MTM1: variants seen among roughly 807,000 people sequenced by gnomAD.
The protein encoded by MTM1 is myotubularin 1.
In MTM1, 9 loss-of-function variants were observed where a neutral mutation model predicts 52.1. That is an observed-to-expected ratio of 0.17 (90% CI 0.10 to 0.30). The LOEUF is 0.30. Ranked by LOEUF, MTM1 falls within the 10% of genes least tolerant of loss-of-function variation. The probability of loss-of-function intolerance (pLI) is 1.00; values close to 1 mark genes in which losing one functional copy is unlikely to be tolerated. For synonymous variants in MTM1, 136 were observed against 163.8 expected (o/e 0.83, Z 1.29); for missense variants, 277 against 470.7 (o/e 0.59, Z 3.81).
chrX:150,645,444 A>C (rs1300297937), intron 8 of MTM1, among the ~76,000 whole-genome samples: 2 of 112,524 alleles, frequency 1.8e-5, no homozygotes, highest in African/African-American at 6.5e-5. Context: ...CAATTAATTT[A>C]TATTGGATGT....
At chrX:150,624,398 T>C (rs2039532305) in intron 6 of MTM1, among the ~76,000 whole-genome samples, 1 of 111,715 alleles carries the variant, frequency 9.0e-6, no homozygotes, top group Non-Finnish European at 1.9e-5. Flanking sequence ...AGTATGGCGA[T>C]TTTTTTAAGG....
chrX:150,668,853 CTA>C lies in MTM1; in HGVS notation c.1645-2574_1645-2573del, dbSNP rs1297930219. On this transcript the variant is annotated intron_variant, in intron 14 of 14. Transcript: ENST00000370396. Reference sequence around the variant, plus strand: ...GAAAGCAGGATGGTTCTGGAAACCACTACATGTGGAAGGCACTTCTGTAGACG... The same window carrying C: ...GAAAGCAGGATGGTTCTGGAAACCACCATGTGGAAGGCACTTCTGTAGACG... 6.3e-5 allele frequency among the ~76,000 whole-genome samples: 7 copies of C among 111,988 alleles called. No individual in the cohort carries two copies. The Admixed American group carries it at 6.6e-4, about 11-fold the overall frequency.
intron 13 of MTM1, 132 bp downstream of exon 13, chrX:150,660,616 G>A: frequency 2.0e-6 from 1 of 493,067 alleles, no homozygotes; most frequent in Admixed American, 3.0e-5. Context: ...TACATTAAAG[G>A]TATGCATTTT....
intron 4 of MTM1, among the ~76,000 whole-genome samples, chrX:150,613,433 G>A (rs1483732649): frequency 2.7e-5 from 3 of 110,866 alleles, no homozygotes; most frequent in Admixed American, 9.7e-5. Flanking sequence ...TTGTTCCAGC[G>A]AGTTGAGTAT....
chrX:150,621,155 C>A (rs1386990102), intron 6 of MTM1, among the ~76,000 whole-genome samples: 5 of 102,590 alleles, frequency 4.9e-5, no homozygotes, highest in Admixed American at 1.1e-4. Flanking sequence ...GAATCACAAA[C>A]TTCTTGTTGC....
intron 1 of MTM1, among the ~76,000 whole-genome samples, chrX:150,588,804 A>T (rs1426378339): frequency 2.7e-5 from 3 of 111,710 alleles, no homozygotes; most frequent in African/African-American, 6.5e-5. Flanking sequence ...TATACACTTA[A>T]ATTTGCTGCC....
chrX:150,609,390 G>A (rs1557412916), intron 4 of MTM1, among the ~76,000 whole-genome samples: 1 of 111,584 alleles, frequency 9.0e-6, no homozygotes, highest in Non-Finnish European at 1.9e-5. Context: ...AAGGATAGCA[G>A]AGAAGGGGAT....
intron 10 of MTM1, among the ~76,000 whole-genome samples, chrX:150,652,656 T>TACACACAC (rs1265035126): frequency 4.2e-3 from 185 of 44,120 alleles, no homozygotes; most frequent in African/African-American, 0.015. Flanking sequence ...TGTATATATA[T>TACACACAC]ATACACACAC....
intron 1 of MTM1, among the ~76,000 whole-genome samples, chrX:150,583,657 T>TTATATATAATTTATATATAAATAATTTG (rs2038695094): frequency 2.6e-5 from 1 of 38,062 alleles, no homozygotes; most frequent in Admixed American, 6.4e-4. Flanking sequence ...TTTATATATA[T>TTATATATAATTTATATATAAATAATTTG]TATATATAAT....
At chrX:150,614,195 A>G (rs1446293613) in intron 4 of MTM1, among the ~76,000 whole-genome samples, 1 of 112,212 alleles carries the variant, frequency 8.9e-6, no homozygotes, top group Non-Finnish European at 1.9e-5. Context: ...GGCAAAGGGA[A>G]CACCCTGAGC....
intron 6 of MTM1, among the ~76,000 whole-genome samples, chrX:150,632,233 T>G: frequency 8.9e-6 from 1 of 111,962 alleles, no homozygotes; most frequent in Middle Eastern, 4.7e-3. Context: ...ATTCAGATTC[T>G]GCAAGATGAG....
intron 11 of MTM1, 125 bp downstream of exon 11, chrX:150,658,152 T>G: frequency 3.5e-6 from 2 of 566,374 alleles, no homozygotes; most frequent in Non-Finnish European, 2.9e-6. Flanking sequence ...CTTTACGCGT[T>G]TGAAAATGCA....
intron 6 of MTM1, among the ~76,000 whole-genome samples, chrX:150,632,437 A>G (rs1226176441): frequency 8.9e-6 from 1 of 111,769 alleles, no homozygotes; most frequent in Non-Finnish European, 1.9e-5. Flanking sequence ...AGAGCCTAAC[A>G]TTCCCCACTC....
intron 1 of MTM1, among the ~76,000 whole-genome samples, chrX:150,582,648 G>A (rs1321449742): frequency 9.0e-6 from 1 of 111,295 alleles, no homozygotes; most frequent in South Asian, 3.7e-4. Flanking sequence ...AGAAAGCCAT[G>A]TGACAACAGG....
chrX:150,638,229 T>C (rs62609057), intron 6 of MTM1, among the ~76,000 whole-genome samples: 1,809 of 111,639 alleles, frequency 0.016, 29 homozygotes, highest in Middle Eastern at 0.023. Flanking sequence ...TTGAGAGTTC[T>C]TCAGATGCCT....
At position 150,652,940 on chromosome X, in the gene MTM1, C is replaced by T. The variant is rs1261416806; in HGVS notation, c.1053+3039C>T. ...AGGTCTTGTTCAATGGCTCAGATGT[C>T]TGAGGAAGTTAGGAGGTAAGGCCAT... On this transcript the variant is annotated intron_variant, in intron 10 of 14. Coordinates refer to ENST00000370396, the MANE Select transcript of MTM1 (RefSeq NM_000252.3). Among the ~76,000 whole-genome samples, 22 of 109,910 alleles carry T rather than the reference C, an allele frequency of 2.0e-4. No individual in the cohort carries two copies. In the Admixed American group the frequency reaches 2.2e-3, roughly 11 times the overall value.
intron 8 of MTM1, among the ~76,000 whole-genome samples, chrX:150,642,098 C>T (rs782483408): frequency 1.8e-5 from 2 of 109,908 alleles, no homozygotes; most frequent in Admixed American, 9.7e-5. Flanking sequence ...TTTTTTTTTC[C>T]CCTAATAAGT....
At position 150,585,064 on chromosome X, in the gene MTM1, A is replaced by G. The variant is rs781806357; in HGVS notation, c.-10-7541A>G. ...ATATGTATGGTGTACAGAGAAGTGG[A>G]GAGAGAGAGAGAGAGAGAGAGAAAG... On this transcript the variant is annotated intron_variant, in intron 1 of 14. Coordinates refer to ENST00000370396, the MANE Select transcript of MTM1 (RefSeq NM_000252.3). Among the ~76,000 whole-genome samples the G allele has an allele frequency of 5.9e-3, 285 of 48,177 alleles. 1 individual carries two copies. The highest frequency in any genetic ancestry group is 0.049 in the Middle Eastern group (3 of 61). The allele number at this position is 48,177 out of a possible 115,157, so 41.8% of individuals were successfully genotyped here. A position where few individuals can be genotyped will look rare whatever the true frequency, so the allele number is the denominator to read the frequency against.
chrX:150,648,811 A>G (rs1272005180), intron 9 of MTM1, among the ~76,000 whole-genome samples: 2 of 112,684 alleles, frequency 1.8e-5, no homozygotes, highest in South Asian at 3.6e-4. Context: ...AGAGCTCACT[A>G]TGTGCAGTGC....
Sources: gnomAD v4.1 joint callset for allele counts (sites outside exome capture counted in the v4.1 genomes callset) on GRCh38, gnomAD v4.1.1 for gene constraint, MANE v1.5 for transcripts, NCBI Gene and HGNC (gene_info 2026-07-23, HGNC 2026-07-21) for gene names.